Variants in PDE5A observed in about 807,000 individuals in gnomAD.
PDE5A encodes cGMP-specific 3',5'-cyclic phosphodiesterase.
In PDE5A, 67 loss-of-function variants were observed where a neutral mutation model predicts 110.2. The ratio of observed to expected loss-of-function variants is 0.61; its 90% CI spans 0.50 to 0.75. The LOEUF (loss-of-function observed/expected upper bound fraction) is 0.75. PDE5A is among the 30% of genes least tolerant of loss of function. PDE5A has a pLI of 0.00. For missense variants in PDE5A, 862 were observed against 1,045.1 expected (o/e 0.82, Z 2.42); for synonymous variants, 328 against 351.2 (o/e 0.93, Z 0.74).
rs1257741463 is a variant in PDE5A at position 119,498,452 on chromosome 4, T to A, written c.*149A>T. 1.3e-6 allele frequency: 1 copy of A among 752,556 alleles called. No homozygotes were observed. The allele number at this position is 752,556 out of a possible 1,614,324, so 46.6% of individuals were successfully genotyped here. On this transcript the variant is annotated 3_prime_UTR_variant, in exon 21 of 21. Transcript: ENST00000354960. ...AATAGTCCTCTAAAAACATTCATGC[T>A]ATACTCTCAAAAGTTGTGCAAAAAT...
At chr4:119,622,173 CAAA>C (rs11334790) in intron 1 of PDE5A, among the ~76,000 whole-genome samples, 14 of 135,818 alleles carry the variant, frequency 1.0e-4, no homozygotes, top group Non-Finnish European at 1.4e-4. Context: ...GACTCCATCT[CAAA>C]AAAAAAAAAA....
Position 119,535,873 on chromosome 4 carries a change from C to T in PDE5A, c.1632+3087G>A, listed in dbSNP as rs545268067. ...TAAAAATTAAGAAAATATTTGATAGCTTTTCCATTTATTTTGGGTTTTAAA... is the reference window on the plus strand; with the variant it reads ...TAAAAATTAAGAAAATATTTGATAGTTTTTCCATTTATTTTGGGTTTTAAA... On this transcript the variant is annotated intron_variant, in intron 11 of 20. Coordinates refer to ENST00000354960, the MANE Select transcript of PDE5A (RefSeq NM_001083.4). 9.7e-4 allele frequency among the ~76,000 whole-genome samples: 147 copies of T among 152,188 alleles called. 1 individual carries two copies. Among genetic ancestry groups the T allele is most frequent in the Admixed American group, 3.3e-3 (51 of 15,272 alleles).
intron 1 of PDE5A, among the ~76,000 whole-genome samples, chr4:119,612,140 T>C (rs1446784661): frequency 6.6e-6 from 1 of 152,186 alleles, no homozygotes; most frequent in Non-Finnish European, 1.5e-5. Flanking sequence ...AAGGTGATAG[T>C]ATTAGGAGGT....
intron 3 of PDE5A, among the ~76,000 whole-genome samples, chr4:119,574,312 A>T (rs1728248963): frequency 1.3e-5 from 2 of 149,308 alleles, no homozygotes; most frequent in Non-Finnish European, 3.0e-5. Flanking sequence ...CCTCCTGAGT[A>T]GCTGGGATTA....
In PDE5A at chr4:119,502,556, C is replaced by T. The variant is rs1263703366; in HGVS notation, c.2406+25G>A. The T allele has an allele frequency of 2.9e-6, 4 of 1,366,156 alleles. No homozygotes were observed. The African/African-American group carries it at 5.8e-5, about 20-fold the overall frequency. The allele number at this position is 1,366,156 out of a possible 1,614,324, so 84.6% of individuals were successfully genotyped here. On this transcript the variant is annotated intron_variant, in intron 19 of 20. Coordinates refer to ENST00000354960, the MANE Select transcript of PDE5A (RefSeq NM_001083.4). ...TAAAAAAAAAACAATTTGAATAATT[C>T]CTACCAACAAGGTTTCATACTTACA...
At chr4:119,603,435 T>A (rs139325753) in intron 2 of PDE5A, among the ~76,000 whole-genome samples, 1 of 152,114 alleles carries the variant, frequency 6.6e-6, no homozygotes, top group Non-Finnish European at 1.5e-5. Flanking sequence ...TTGAAGGTAG[T>A]TGCATGATGG....
At chr4:119,546,370 T>A (rs1055337072) in intron 9 of PDE5A, among the ~76,000 whole-genome samples, 1 of 152,154 alleles carries the variant, frequency 6.6e-6, no homozygotes, top group Non-Finnish European at 1.5e-5. Context: ...TTAAAAATAA[T>A]GAAATATACC....
At chr4:119,599,242 A>T (rs143964578) in intron 2 of PDE5A, among the ~76,000 whole-genome samples, 128 of 152,314 alleles carry the variant, frequency 8.4e-4, no homozygotes, top group African/African-American at 2.6e-3. Flanking sequence ...AGAGGATATA[A>T]TCCAAATGTA....
intron 3 of PDE5A, among the ~76,000 whole-genome samples, chr4:119,584,117 A>C (rs143285620): frequency 2.1e-4 from 32 of 152,280 alleles, no homozygotes; most frequent in South Asian, 4.1e-4. Context: ...GGGTAACCAG[A>C]GTATATGGAC....
intron 11 of PDE5A, among the ~76,000 whole-genome samples, chr4:119,536,029 C>A (rs1726713524): frequency 6.6e-6 from 1 of 152,104 alleles, no homozygotes; most frequent in African/African-American, 2.4e-5. Flanking sequence ...TGCTGAATTT[C>A]AACCAATTTA....
intron 11 of PDE5A, among the ~76,000 whole-genome samples, chr4:119,536,069 A>T (rs1349638096): frequency 6.6e-6 from 1 of 152,174 alleles, no homozygotes; most frequent in Non-Finnish European, 1.5e-5. Flanking sequence ...AAGCTATGTA[A>T]CCCTAAATTT....
At chr4:119,608,006 A>G (rs1729601674) in intron 1 of PDE5A, among the ~76,000 whole-genome samples, 2 of 152,200 alleles carry the variant, frequency 1.3e-5, no homozygotes, top group South Asian at 4.1e-4. Context: ...TTTGAAAACT[A>G]AAACAAATAT....
chr4:119,524,200 GA>G (rs1282904821), intron 12 of PDE5A, among the ~76,000 whole-genome samples: 1 of 152,030 alleles, frequency 6.6e-6, no homozygotes, highest in African/African-American at 2.4e-5. Flanking sequence ...CCTAATAACA[GA>G]AAAGGAAACT....
rs1366256785 is a variant in PDE5A, at chr4:119,622,859, G to A, written c.152+5661C>T. 2.0e-4 allele frequency among the ~76,000 whole-genome samples: 16 copies of A among 81,720 alleles called. No individual in the cohort carries two copies. The South Asian group carries it at 6.3e-3, about 32-fold the overall frequency. The allele number at this position is 81,720 out of a possible 152,430, so 53.6% of individuals were successfully genotyped here. The stretch of plus-strand genomic sequence containing the variant: ...AGCCTGGGTAACAGAGCAATACTCC[G>A]TCTCGAAAAAAAAAAAAAGAAAGAA... On this transcript the variant is annotated intron_variant, in intron 1 of 20. Coordinates refer to ENST00000354960, the MANE Select transcript of PDE5A (RefSeq NM_001083.4).
chr4:119,628,490 C>T, intron 1 of PDE5A, 30 bp downstream of exon 1: 2 of 1,524,992 alleles, frequency 1.3e-6, no homozygotes, highest in Non-Finnish European at 1.8e-6. Context: ...GAGAAATCAG[C>T]CCCGGGTCTT....
intron 2 of PDE5A, among the ~76,000 whole-genome samples, chr4:119,604,181 C>A (rs1439530209): frequency 6.6e-6 from 1 of 152,128 alleles, no homozygotes; most frequent in Non-Finnish European, 1.5e-5. Context: ...GAGGCATCAC[C>A]CTGGGAGCAG....
intron 9 of PDE5A, among the ~76,000 whole-genome samples, chr4:119,546,384 C>T (rs1727129875): frequency 6.6e-6 from 1 of 152,084 alleles, no homozygotes; most frequent in Non-Finnish European, 1.5e-5. Flanking sequence ...ATATACCCTA[C>T]TCTGTTACAT....
intron 1 of PDE5A, among the ~76,000 whole-genome samples, chr4:119,617,163 A>AC (rs1729971214): frequency 6.6e-6 from 1 of 152,110 alleles, no homozygotes. Flanking sequence ...TATCGCTTCC[A>AC]CTCAAGATTG....
At chr4:119,609,794 C>T (rs368361434) in intron 1 of PDE5A, among the ~76,000 whole-genome samples, 26 of 152,166 alleles carry the variant, frequency 1.7e-4, no homozygotes, top group East Asian at 7.7e-4. Context: ...CCACAAAAAA[C>T]GATAAGTATG....
Sources: gnomAD v4.1 joint callset for allele counts (sites outside exome capture counted in the v4.1 genomes callset) on GRCh38, gnomAD v4.1.1 for gene constraint, MANE v1.5 for transcripts, NCBI Gene and HGNC (gene_info 2026-07-23, HGNC 2026-07-21) for gene names.